Variants in BTBD8 observed in about 807,000 individuals in gnomAD.
The protein encoded by BTBD8 is BTB domain containing 8, also known as BTB/POZ domain-containing protein 8.
A neutral mutation model predicts 162.9 loss-of-function variants in BTBD8; 110 were observed. The observed-to-expected ratio is 0.68, with a 90% CI of 0.58 to 0.79. The LOEUF is 0.79. Among genes scored for constraint, BTBD8 ranks in the 30% least tolerant of loss-of-function variants. BTBD8 has a pLI of 0.00. For missense variants in BTBD8, 1,905 were observed against 2,085.4 expected (o/e 0.91, Z 1.68); for synonymous variants, 667 against 716.1 (o/e 0.93, Z 1.10).
chr1:92,104,450 C>CT lies in BTBD8; in HGVS notation c.544+1782dup, dbSNP rs199989475. Among the ~76,000 whole-genome samples the CT allele has an allele frequency of 3.3e-5, 5 of 152,306 alleles. No homozygotes were observed. In the East Asian group the frequency reaches 5.8e-4, roughly 18 times the overall value. ...TTATCAATAAGACCCAGATAGGACTCTAAGACTCAGAGAGCATAAGAGACT... is the reference window on the plus strand; with the variant it reads ...TTATCAATAAGACCCAGATAGGACTCTTAAGACTCAGAGAGCATAAGAGACT... On this transcript the variant is annotated intron_variant, in intron 3 of 17. Transcript: ENST00000636805.
In BTBD8 at chr1:92,177,405, A is replaced by G. The variant is rs150184313; in HGVS notation, c.2212A>G (p.Ile738Val). 3.6e-3 allele frequency: 5,621 copies of G among 1,551,724 alleles called. 12 individuals carry two copies. The highest frequency in any genetic ancestry group is 6.5e-3 in the Middle Eastern group (39 of 5,992). The part of the protein sequence containing the change: ...RSTDSSMEFS[I>V]STECLDEPKE... ...CACAGATTCAAGTATGGAATTCTCA[A>G]TTTCCACTGAATGTCTGGATGAACC... is the stretch of plus-strand genomic sequence containing the variant. Residue 738 changes from isoleucine (I) to valine (V), a missense_variant, in exon 14 of 18, where the codon ATT becomes GTT. Physicochemically the swap from Ile to Val is conservative, Grantham distance 29. Coordinates refer to ENST00000636805, the MANE Select transcript of BTBD8 (RefSeq NM_001376131.1).
chr1:92,115,401 A>T, intron 4 of BTBD8: 1 of 491,644 alleles, frequency 2.0e-6, no homozygotes, highest in South Asian at 1.5e-5. Context: ...CTTATGGCTC[A>T]TGCCCATCAC....
In BTBD8 at chr1:92,147,757, AG is replaced by A. The variant is rs754451242; in HGVS notation, c.1094del (p.Ser365IlefsTer6). The A allele has an allele frequency of 5.0e-6, 8 of 1,613,406 alleles. No homozygotes were observed. The part of the protein sequence containing the change: ...FANIPPEIQK[S>X]CLNMLIQSLN... ...AAATATACCTCCTGAGATTCAGAAAAGTTGTCTTAATATGTTGATTCAGTCC... is the reference window on the plus strand; with the variant it reads ...AAATATACCTCCTGAGATTCAGAAAATTGTCTTAATATGTTGATTCAGTCC... On this transcript the variant is annotated frameshift_variant, in exon 9 of 18. Transcript: ENST00000636805. LOFTEE classifies it high-confidence loss of function.
intron 4 of BTBD8, among the ~76,000 whole-genome samples, chr1:92,126,974 A>C (rs893035889): frequency 6.6e-6 from 1 of 152,234 alleles, no homozygotes; most frequent in Non-Finnish European, 1.5e-5. Flanking sequence ...TAATTAAACT[A>C]GTTTAACAGT....
chr1:92,179,600 G>T (rs906225896), intron 16 of BTBD8, among the ~76,000 whole-genome samples: 5 of 152,106 alleles, frequency 3.3e-5, no homozygotes, highest in Admixed American at 3.3e-4. Context: ...TGATAATTCT[G>T]TTTGGCAGAT....
chr1:92,167,944 G>A lies in BTBD8; in HGVS notation c.1402G>A (p.Ala468Thr), dbSNP rs749733875. The A allele has an allele frequency of 7.7e-6, 12 of 1,550,028 alleles. No individual in the cohort carries two copies. The African/African-American group carries it at 8.2e-5, about 11-fold the overall frequency. ...TTENSCSLLM[A>T]LDTLLNSDST... ...TGAAAATAGCTGCTCTCTTCTTATGGCTCTGGACACACTGCTGAACTCTGA... is the reference window on the plus strand; with the variant it reads ...TGAAAATAGCTGCTCTCTTCTTATGACTCTGGACACACTGCTGAACTCTGA... Residue 468 changes from alanine to threonine, a missense_variant, in exon 11 of 18, where the codon GCT becomes ACT. Physicochemically the swap from Ala to Thr is moderately conservative, Grantham distance 58. Coordinates refer to ENST00000636805, the MANE Select transcript of BTBD8 (RefSeq NM_001376131.1).
At chr1:92,180,117 G>T in intron 16 of BTBD8, 148 bp from the exon 17 acceptor site, 1 of 591,642 alleles carries the variant, frequency 1.7e-6, no homozygotes. Context: ...CCTAATCTGT[G>T]CTTGTCCATT....
intron 5 of BTBD8, among the ~76,000 whole-genome samples, chr1:92,135,400 G>A (rs1415396764): frequency 2.0e-5 from 3 of 152,172 alleles, no homozygotes; most frequent in African/African-American, 7.2e-5. Context: ...GGCCAGGCTG[G>A]TAACACAGAG....
At chr1:92,166,869 C>A in intron 9 of BTBD8, 89 bp from the exon 10 acceptor site, 2 of 1,317,358 alleles carry the variant, frequency 1.5e-6, no homozygotes, top group South Asian at 1.8e-5. Flanking sequence ...AGGAAACATC[C>A]CATAACAACA....
At chr1:92,143,542 C>CAAAA (rs1557455039) in intron 7 of BTBD8, among the ~76,000 whole-genome samples, 1 of 151,772 alleles carries the variant, frequency 6.6e-6, no homozygotes, top group Non-Finnish European at 1.5e-5. Flanking sequence ...CAGAGTTTTG[C>CAAAA]TCTTGTTGCC....
intron 7 of BTBD8, among the ~76,000 whole-genome samples, chr1:92,145,582 C>G (rs906583609): frequency 6.6e-6 from 1 of 152,140 alleles, no homozygotes; most frequent in African/African-American, 2.4e-5. Context: ...ATGGCATGGG[C>G]AATACATAGC....
rs1005482657 is a variant in BTBD8 at position 92,176,847 on chromosome 1, G to C, written c.1654G>C (p.Asp552His). The change falls in exon 14 of 18, where the codon GAC becomes CAC. Residue 552 changes from aspartate to histidine, a missense_variant. Physicochemically the swap from Asp to His is moderately conservative, Grantham distance 81. Transcript: ENST00000636805. ...TTTATAGCAAAGGAAACAAGTTTCT[G>C]ACTCTGGTGATATAAAAATCAAATC... ...SSSQQRKQVS[D>H]SGDIKIKSWR... 7.0e-7 allele frequency: 1 copy of C among 1,434,598 alleles called. No individual in the cohort carries two copies. Among genetic ancestry groups the C allele is most frequent in the East Asian group, 2.5e-5 (1 of 39,278 alleles). 88.9% of individuals were successfully genotyped at this position (1,434,598 alleles called of 1,614,324 possible).
At chr1:92,157,922 G>A (rs1387551140) in intron 9 of BTBD8, among the ~76,000 whole-genome samples, 1 of 152,122 alleles carries the variant, frequency 6.6e-6, no homozygotes, top group African/African-American at 2.4e-5. Flanking sequence ...GTAATGTGAT[G>A]CAGGGTGCAT....
At chr1:92,093,280 C>T (rs1047451035) in intron 2 of BTBD8, among the ~76,000 whole-genome samples, 11 of 149,478 alleles carry the variant, frequency 7.4e-5, no homozygotes, top group African/African-American at 2.7e-4. Context: ...GCAACCTTCA[C>T]CTCCCAGGTT....
At chr1:92,102,241 A>G (rs967377330) in intron 2 of BTBD8, among the ~76,000 whole-genome samples, 3 of 151,240 alleles carry the variant, frequency 2.0e-5, no homozygotes, top group African/African-American at 7.3e-5. Flanking sequence ...CTGATCTTGA[A>G]CTCCTGACCT....
chr1:92,105,348 G>A (rs1648699618), intron 3 of BTBD8, among the ~76,000 whole-genome samples: 1 of 151,914 alleles, frequency 6.6e-6, no homozygotes, highest in Non-Finnish European at 1.5e-5. Context: ...TACCTCCCAG[G>A]CCCAAGTGAT....
At chr1:92,173,289 G>T (rs1266632523) in intron 13 of BTBD8, among the ~76,000 whole-genome samples, 2 of 152,176 alleles carry the variant, frequency 1.3e-5, no homozygotes, top group Non-Finnish European at 2.9e-5. Flanking sequence ...AAACACTAAA[G>T]AATACTTTTG....
At chr1:92,143,350 TGCA>T (rs1024089750) in intron 7 of BTBD8, among the ~76,000 whole-genome samples, 4 of 152,150 alleles carry the variant, frequency 2.6e-5, no homozygotes, top group Admixed American at 2.6e-4. Context: ...GTGGGTTTTA[TGCA>T]GCTTCTTGTA....
Position 92,178,366 on chromosome 1 carries a change from T to C in BTBD8, c.2496T>C (p.Ile832=), listed in dbSNP as rs770940462. ...GTAGTGAGCCAGTACCACAGGCAAT[T>C]TTGAAGAAAAGAGGAACTAGCAATG... ...KGCSEPVPQA[I]LKKRGTSNGC... Residue 832 remains isoleucine, a synonymous_variant, in exon 16 of 18, where the codon ATT becomes ATC. Transcript: ENST00000636805. 1.0e-5 allele frequency: 16 copies of C among 1,551,570 alleles called. 1 individual carries two copies. In the South Asian group the frequency reaches 1.9e-4, roughly 18 times the overall value.
Sources: gnomAD v4.1 joint callset for allele counts (sites outside exome capture counted in the v4.1 genomes callset) on GRCh38, gnomAD v4.1.1 for gene constraint, MANE v1.5 for transcripts, NCBI Gene and HGNC (gene_info 2026-07-23, HGNC 2026-07-21) for gene names.